The following CLTRN variants were observed in gnomAD, a reference collection of about 807,000 sequenced individuals.
CLTRN encodes collectrin, amino acid transport regulator.
A neutral mutation model predicts 14.5 loss-of-function variants in CLTRN; 12 were observed. That is an observed-to-expected ratio of 0.83 (90% confidence interval 0.53 to 1.34). The LOEUF (loss-of-function observed/expected upper bound fraction) is 1.34. CLTRN is among the 40% of genes most tolerant of loss of function. The probability of loss-of-function intolerance (pLI) is 0.00; values close to 1 mark genes in which losing one functional copy is unlikely to be tolerated. For missense variants in CLTRN, 154 were observed against 165.1 expected (o/e 0.93, Z 0.37); for synonymous variants, 58 against 56.5 (o/e 1.03, Z -0.12).
chrX:15,671,901 G>C (rs1882231277), intron 1 of CLTRN, among the ~76,000 whole-genome samples: 1 of 108,116 alleles, frequency 9.2e-6, no homozygotes, highest in African/African-American at 3.4e-5. Context: ...AGTATCCTTG[G>C]TAAGCAAGAA....
At chrX:15,674,687 G>A (rs1450658831) in intron 1 of CLTRN, among the ~76,000 whole-genome samples, 1 of 112,777 alleles carries the variant, frequency 8.9e-6, no homozygotes, top group Non-Finnish European at 1.9e-5. Context: ...CCAGGACCTG[G>A]ACAGTCCTCT....
At chrX:15,634,259 A>C (rs1928764941) in intron 5 of CLTRN, among the ~76,000 whole-genome samples, 1 of 111,835 alleles carries the variant, frequency 8.9e-6, no homozygotes, top group South Asian at 3.7e-4. Context: ...GTAAACCACT[A>C]GATATATTCT....
intron 5 of CLTRN, among the ~76,000 whole-genome samples, chrX:15,630,731 T>C (rs1345779410): frequency 8.9e-6 from 1 of 111,931 alleles, no homozygotes; most frequent in African/African-American, 3.3e-5. Context: ...TAGGCTGCTA[T>C]ATTTTTCCAT....
Position 15,628,054 on chromosome X carries a change from T to C in CLTRN, c.586A>G (p.Ile196Val). The C allele has an allele frequency of 8.7e-7, 1 of 1,151,830 alleles. No individual in the cohort carries two copies. Among genetic ancestry groups the C allele is most frequent in the Non-Finnish European group, 1.2e-6 (1 of 861,734 alleles). 94.9% of individuals were successfully genotyped at this position (1,151,830 alleles called of 1,213,427 possible). Residue 196 changes from isoleucine (I) to valine (V), a missense_variant, in exon 6 of 6, where the codon ATC becomes GTC. Transcript: ENST00000380342. ...CENMITIENG[I>V]PSDPLDMKGG... ...TTCATGTCCAGGGGATCAGAGGGGA[T>C]GCCATTTTCAATTGTGATCATGTTT...
intron 2 of CLTRN, 22 bp downstream of exon 2, chrX:15,664,315 A>G: frequency 3.4e-6 from 4 of 1,162,330 alleles, no homozygotes; most frequent in Non-Finnish European, 4.6e-6. Flanking sequence ...ATTTAAAAAG[A>G]ACACTCAGGT....
intron 1 of CLTRN, among the ~76,000 whole-genome samples, chrX:15,670,048 A>G (rs1929687266): frequency 9.0e-6 from 1 of 110,736 alleles, no homozygotes; most frequent in Non-Finnish European, 1.9e-5. Context: ...GGGCGAGGCA[A>G]GCAGATTGCT....
At chrX:15,646,880 C>T (rs1223092583) in intron 3 of CLTRN, 19 of 292,134 alleles carry the variant, frequency 6.5e-5, no homozygotes, top group Admixed American at 3.5e-5. Context: ...AGGCCATCTG[C>T]CTTCGGGTCT....
At chrX:15,643,683 C>T (rs1193357853) in intron 4 of CLTRN, among the ~76,000 whole-genome samples, 2 of 112,519 alleles carry the variant, frequency 1.8e-5, no homozygotes, top group Non-Finnish European at 3.8e-5. Flanking sequence ...TTAGTTCAAA[C>T]TTTCTTGTTA....
intron 4 of CLTRN, among the ~76,000 whole-genome samples, chrX:15,641,313 G>A (rs774606211): frequency 1.8e-5 from 2 of 111,575 alleles, no homozygotes; most frequent in South Asian, 7.5e-4. Flanking sequence ...TATTATGCAA[G>A]CTGCCTTTGT....
intron 5 of CLTRN, among the ~76,000 whole-genome samples, chrX:15,630,577 T>C (rs375488731): frequency 2.7e-5 from 3 of 112,672 alleles, no homozygotes; most frequent in East Asian, 2.8e-4. Context: ...TACCATTGCA[T>C]ATGCCACCAT....
At position 15,659,133 on chromosome X, in the gene CLTRN, G is replaced by A. The variant is rs373062747; in HGVS notation, c.118-32C>T. On this transcript the variant is annotated intron_variant, in intron 2 of 5. Coordinates refer to ENST00000380342, the MANE Select transcript of CLTRN (RefSeq NM_020665.6). ...AAGAAGGAAAACAAAGTGTATGGGG[G>A]AAAATATGGTCCATTGGTTCTACTT... The A allele has an allele frequency of 7.3e-5, 65 of 886,376 alleles. No individual in the cohort carries two copies. The African/African-American group carries it at 1.1e-3, about 15-fold the overall frequency. The allele number at this position is 886,376 out of a possible 1,213,427, so 73.0% of individuals were successfully genotyped here.
At position 15,662,770 on chromosome X, in the gene CLTRN, A is replaced by G. The variant is rs757991235; in HGVS notation, c.117+1567T>C. On this transcript the variant is annotated intron_variant, in intron 2 of 5. Transcript: ENST00000380342. ...ACCATTGACCTCCATATTGTCCAAC[A>G]CAATGAACATTTTTCAGTCGCCTTC... 8.8e-4 allele frequency among the ~76,000 whole-genome samples: 98 copies of G among 111,693 alleles called. 1 individual carries two copies. Among genetic ancestry groups the G allele is most frequent in the African/African-American group, 3.0e-3 (93 of 30,719 alleles).
chrX:15,674,317 G>A lies in CLTRN; in HGVS notation c.-506+672C>T, dbSNP rs1386612503. On this transcript the variant is annotated intron_variant, in intron 1 of 6. Coordinates refer to the CLTRN transcript ENST00000650271. ...AGAGGTCTGAATGTGGTGGTGTCTA[G>A]ACAGGACCTAGAGAGCATTAGGGCA... Among the ~76,000 whole-genome samples, 4 of 111,763 alleles carry A rather than the reference G, an allele frequency of 3.6e-5. No homozygotes were observed. In the Admixed American group the frequency reaches 3.8e-4, roughly 11 times the overall value.
chrX:15,628,929 A>G lies in CLTRN; in HGVS notation c.513-802T>C, dbSNP rs1463262378. On this transcript the variant is annotated intron_variant, in intron 5 of 5. Transcript: ENST00000380342. ...GTAATATTTCTTTGGAGTGTGGAAA[A>G]CAGTAGACTCAAATTCAAAGGTTTT... 2.7e-5 allele frequency among the ~76,000 whole-genome samples: 3 copies of G among 111,911 alleles called. No individual in the cohort carries two copies. The Admixed American group carries it at 2.8e-4, about 11-fold the overall frequency.
intron 3 of CLTRN, among the ~76,000 whole-genome samples, chrX:15,648,719 GA>G (rs1472800714): frequency 9.1e-6 from 1 of 109,926 alleles, no homozygotes; most frequent in African/African-American, 3.3e-5. Context: ...GCTGAGGCAG[GA>G]GAATCGCTTG....
chrX:15,659,490 A>T (rs1242671206), intron 2 of CLTRN, among the ~76,000 whole-genome samples: 3 of 111,610 alleles, frequency 2.7e-5, no homozygotes, highest in Non-Finnish European at 5.6e-5. Flanking sequence ...TACAATTTTT[A>T]AAAAATTTTC....
chrX:15,667,561 A>G (rs1411104454), upstream of CLTRN, among the ~76,000 whole-genome samples: 2 of 112,790 alleles, frequency 1.8e-5, no homozygotes, highest in African/African-American at 6.4e-5. Flanking sequence ...CGAATGACCA[A>G]TTGTCAATGT....
intron 3 of CLTRN, among the ~76,000 whole-genome samples, chrX:15,648,319 G>A (rs1929136666): frequency 9.0e-6 from 1 of 111,706 alleles, no homozygotes; most frequent in Non-Finnish European, 1.9e-5. Flanking sequence ...GATCAGGCCA[G>A]ATAATTTTAT....
At chrX:15,674,517 T>C (rs188469428) in intron 1 of CLTRN, among the ~76,000 whole-genome samples, 58 of 112,681 alleles carry the variant, frequency 5.1e-4, no homozygotes, top group African/African-American at 1.5e-3. Flanking sequence ...AGAAGGAACA[T>C]TGCTCCACCA....
Sources: allele counts gnomAD v4.1 joint callset (sites outside exome capture counted in the v4.1 genomes callset), GRCh38; gene constraint gnomAD v4.1.1; transcripts MANE v1.5; gene names NCBI Gene and HGNC (gene_info 2026-07-23, HGNC 2026-07-21).